CCDC171: variants seen among roughly 807,000 people sequenced by gnomAD.
CCDC171 encodes the protein coiled-coil domain-containing protein 171.
In CCDC171, 177 loss-of-function variants were observed where a neutral mutation model predicts 168.2. That is an observed-to-expected ratio of 1.05 (90% CI 0.93 to 1.19). The LOEUF is 1.19. Among genes scored for constraint, CCDC171 ranks in the 50% most tolerant of loss-of-function variants. CCDC171 has a pLI of 0.00. For synonymous variants in CCDC171, 687 were observed against 540.8 expected, an observed-to-expected ratio of 1.27 and a Z score of -3.75; for missense variants, 1,991 against 1,539.0, an observed-to-expected ratio of 1.29 and a Z score of -4.91.
intron 6 of CCDC171, among the ~76,000 whole-genome samples, chr9:15,622,463 A>G (rs948433438): frequency 2.0e-5 from 3 of 152,184 alleles, no homozygotes; most frequent in Admixed American, 1.3e-4. Flanking sequence ...TTGAGTGGCT[A>G]GGTATTCTTG....
At chr9:16,027,722 G>A (rs1833300745) in intron 6 of CCDC171, among the ~76,000 whole-genome samples, 1 of 152,126 alleles carries the variant, frequency 6.6e-6, no homozygotes, top group South Asian at 2.1e-4. Context: ...GTTTTTCAGT[G>A]GGTAATCATC....
intron 3 of CCDC171, among the ~76,000 whole-genome samples, chr9:16,011,031 T>G (rs1182725993): frequency 6.6e-6 from 1 of 152,190 alleles, no homozygotes; most frequent in Admixed American, 6.5e-5. Context: ...CATCTGCAAA[T>G]GGGAGGCCAA....
At chr9:15,789,813 C>T (rs2058157622) in intron 21 of CCDC171, among the ~76,000 whole-genome samples, 1 of 145,772 alleles carries the variant, frequency 6.9e-6, no homozygotes, top group African/African-American at 2.5e-5. Context: ...CAAGTGTTCT[C>T]ATTGTTCAGT....
intron 2 of CCDC171, among the ~76,000 whole-genome samples, chr9:15,569,846 CAAA>C (rs1314811546): frequency 7.2e-6 from 1 of 139,726 alleles, no homozygotes; most frequent in African/African-American, 2.7e-5. Flanking sequence ...AACAAACAAA[CAAA>C]AAAAAAATTT....
chr9:16,095,134 T>C, the CCDC171 span, among the ~76,000 whole-genome samples: 1 of 152,196 alleles, frequency 6.6e-6, no homozygotes, highest in Non-Finnish European at 1.5e-5. Context: ...TCTTTATAAA[T>C]GTCTGAGTCT....
At position 15,805,040 on chromosome 9, in the gene CCDC171, A is replaced by G. The variant is rs75459261; in HGVS notation, c.3267+20346A>G. Among the ~76,000 whole-genome samples, 3 of 152,218 alleles carry G rather than the reference A, an allele frequency of 2.0e-5. No individual in the cohort carries two copies. The South Asian group carries it at 6.2e-4, about 32-fold the overall frequency. Reference sequence around the variant, plus strand: ...CTTCTAGATTTTCTAGTTTATGTACAGAGAGGAGTTTCTAATAGTCTGTGA... The same window carrying G: ...CTTCTAGATTTTCTAGTTTATGTACGGAGAGGAGTTTCTAATAGTCTGTGA... On this transcript the variant is annotated intron_variant, in intron 21 of 25. Coordinates refer to ENST00000380701, the MANE Select transcript of CCDC171 (RefSeq NM_173550.4).
intron 18 of CCDC171, among the ~76,000 whole-genome samples, chr9:15,753,765 G>A (rs981653782): frequency 5.9e-5 from 9 of 152,182 alleles, no homozygotes; most frequent in Non-Finnish European, 7.4e-5. Flanking sequence ...GTGTTTGTTC[G>A]CTAAGAAACA....
At chr9:16,050,330 A>G (rs552280469) in intron 1 of CCDC171, among the ~76,000 whole-genome samples, 3 of 152,386 alleles carry the variant, frequency 2.0e-5, no homozygotes, top group Admixed American at 6.5e-5. Context: ...CTTAATTGCA[A>G]TCGCCAAGCA....
At chr9:15,646,600 C>G (rs2047060286) in intron 7 of CCDC171, among the ~76,000 whole-genome samples, 1 of 151,948 alleles carries the variant, frequency 6.6e-6, no homozygotes, top group South Asian at 2.1e-4. Flanking sequence ...GGGTTGTAAT[C>G]TTAGTCTCTG....
intron 11 of CCDC171, among the ~76,000 whole-genome samples, chr9:15,713,217 C>T (rs1212027646): frequency 6.6e-6 from 1 of 152,166 alleles, no homozygotes; most frequent in Non-Finnish European, 1.5e-5. Flanking sequence ...TACCACTGTT[C>T]TCCCGAGCCA....
Position 15,972,930 on chromosome 9 carries a change from C to G in CCDC171, c.*1094C>G, listed in dbSNP as rs1328180257. ...AGGTCAAGCAGGAAGGAGCTGAGTT[C>G]TAACCACAAAGAGGTTTCTGGTAAC... On this transcript the variant is annotated 3_prime_UTR_variant, in exon 26 of 26. Transcript: ENST00000380701. The G allele has an allele frequency of 6.6e-6, 1 of 152,118 alleles. No individual in the cohort carries two copies. The highest frequency in any genetic ancestry group is 1.5e-5 in the Non-Finnish European group (1 of 68,040). The allele number at this position is 152,118 out of a possible 1,614,324, so 9.4% of individuals were successfully genotyped here.
intron 25 of CCDC171, among the ~76,000 whole-genome samples, chr9:15,923,397 A>G (rs1825559060): frequency 6.6e-6 from 1 of 151,406 alleles, no homozygotes; most frequent in Non-Finnish European, 1.5e-5. Flanking sequence ...GAAATAAGCC[A>G]GGCATAGAAA....
chr9:16,007,085 C>G (rs1832724445), intron 3 of CCDC171, among the ~76,000 whole-genome samples: 3 of 152,188 alleles, frequency 2.0e-5, no homozygotes, highest in African/African-American at 7.2e-5. Flanking sequence ...ACATCCTCTC[C>G]AGCACCCATT....
At chr9:16,055,717 G>C (rs1222301194) in intron 1 of CCDC171, among the ~76,000 whole-genome samples, 3 of 152,226 alleles carry the variant, frequency 2.0e-5, no homozygotes, top group Admixed American at 6.5e-5. Flanking sequence ...CCCTAAAGTA[G>C]TGGGAGATGA....
At position 15,571,534 on chromosome 9, in the gene CCDC171, T is replaced by G. The variant is rs192113452; in HGVS notation, c.42-90T>G. On this transcript the variant is annotated intron_variant, in intron 2 of 25. Coordinates refer to ENST00000380701, the MANE Select transcript of CCDC171 (RefSeq NM_173550.4). ...GAACCATGTCATGTTCTCTTTGTTT[T>G]TTGAAAAATAAGTTATCAAAAATAT... 92 of 1,122,014 alleles carry G rather than the reference T, an allele frequency of 8.2e-5. No homozygotes were observed. The East Asian group carries it at 1.6e-3, about 19-fold the overall frequency. The allele number at this position is 1,122,014 out of a possible 1,614,324, so 69.5% of individuals were successfully genotyped here.
At chr9:15,836,968 A>G (rs1183243086) in intron 21 of CCDC171, among the ~76,000 whole-genome samples, 1 of 152,202 alleles carries the variant, frequency 6.6e-6, no homozygotes, top group Non-Finnish European at 1.5e-5. Flanking sequence ...TCTTCTTTCT[A>G]GTTAGCCACA....
rs930786419 is a variant in CCDC171 at position 15,972,147 on chromosome 9, A to G, written c.*311A>G. On this transcript the variant is annotated 3_prime_UTR_variant, in exon 26 of 26. Coordinates refer to ENST00000380701, the MANE Select transcript of CCDC171 (RefSeq NM_173550.4). The stretch of plus-strand genomic sequence containing the variant: ...AAATCAATAAGCCATTTTAGTCTCT[A>G]TCTATCAAAGTTGTTTCATACTTGT... 3.9e-5 allele frequency: 12 copies of G among 310,650 alleles called. No individual in the cohort carries two copies. Among genetic ancestry groups the G allele is most frequent in the African/African-American group, 2.0e-4 (9 of 45,764 alleles). 19.2% of individuals were successfully genotyped at this position (310,650 alleles called of 1,614,324 possible). A position where few individuals can be genotyped will look rare whatever the true frequency, so the allele number is the denominator to read the frequency against.
At chr9:15,679,012 A>G in intron 10 of CCDC171, 116 bp downstream of exon 10, 4 of 707,508 alleles carry the variant, frequency 5.7e-6, no homozygotes, top group Middle Eastern at 7.1e-4. Context: ...TATTTTAGTG[A>G]CATTGATAAC....
intron 3 of CCDC171, among the ~76,000 whole-genome samples, chr9:15,987,171 A>C (rs998600667): frequency 6.6e-6 from 1 of 152,210 alleles, no homozygotes; most frequent in Non-Finnish European, 1.5e-5. Flanking sequence ...TTTATACAGA[A>C]AACACCACTA....
Sources: allele counts gnomAD v4.1 joint callset (sites outside exome capture counted in the v4.1 genomes callset), GRCh38; gene constraint gnomAD v4.1.1; transcripts MANE v1.5; gene names NCBI Gene and HGNC (gene_info 2026-07-23, HGNC 2026-07-21).